Variants in NKAIN2 observed in about 807,000 individuals in gnomAD.
The protein encoded by NKAIN2 is sodium/potassium-transporting ATPase subunit beta-1-interacting protein 2.
Under a neutral mutation model 32.6 loss-of-function variants are expected in NKAIN2, and 14 were observed. The ratio of observed to expected loss-of-function variants is 0.43; its 90% CI spans 0.28 to 0.67. NKAIN2 has a LOEUF of 0.67. Among genes scored for constraint, NKAIN2 ranks in the 30% least tolerant of loss-of-function variants. The pLI, the probability that NKAIN2 is intolerant of heterozygous loss-of-function variation, is 0.17. For synonymous variants in NKAIN2, 80 were observed against 87.2 expected (o/e 0.92, Z 0.46); for missense variants, 198 against 258.3 (o/e 0.77, Z 1.60).
chr6:123,911,099 G>T (rs1775155632), intron 1 of NKAIN2, among the ~76,000 whole-genome samples: 1 of 151,770 alleles, frequency 6.6e-6, no homozygotes, highest in African/African-American at 2.4e-5. Context: ...ACATAGGTCT[G>T]GCATATAGAC....
chr6:124,469,623 C>T (rs1440052884), intron 3 of NKAIN2, among the ~76,000 whole-genome samples: 1 of 152,124 alleles, frequency 6.6e-6, no homozygotes, highest in Non-Finnish European at 1.5e-5. Flanking sequence ...TGCATTTAAA[C>T]TGGAACTGTT....
At chr6:124,295,300 T>TTTC (rs57069638) in intron 2 of NKAIN2, among the ~76,000 whole-genome samples, 73,244 of 151,584 alleles carry the variant, frequency 0.48, 21,784 homozygotes, top group African/African-American at 0.85. Context: ...TCCTTGTTCT[T>TTTC]TTCTTCTTCT....
intron 1 of NKAIN2, among the ~76,000 whole-genome samples, chr6:124,243,912 T>C (rs1183462443): frequency 1.3e-5 from 2 of 152,036 alleles, no homozygotes; most frequent in Admixed American, 1.3e-4. Flanking sequence ...TTATGAGTCT[T>C]TTGTATATCT....
At chr6:124,189,047 T>G (rs553888910) in intron 1 of NKAIN2, among the ~76,000 whole-genome samples, 111 of 152,256 alleles carry the variant, frequency 7.3e-4, no homozygotes, top group African/African-American at 2.6e-3. Context: ...CATCACTGAT[T>G]TAAATGACAG....
At chr6:124,342,323 G>A (rs1798158812) in intron 2 of NKAIN2, among the ~76,000 whole-genome samples, 1 of 151,054 alleles carries the variant, frequency 6.6e-6, no homozygotes, top group Non-Finnish European at 1.5e-5. Context: ...GCAGGAGAAT[G>A]GAGTGAACCT....
At chr6:124,811,849 A>G (rs1015915839) in intron 5 of NKAIN2, among the ~76,000 whole-genome samples, 6 of 152,128 alleles carry the variant, frequency 3.9e-5, no homozygotes, top group Admixed American at 1.3e-4. Flanking sequence ...AGTGTTTTGC[A>G]TATCAATTAT....
In NKAIN2 at chr6:124,394,505, AGATT is replaced by A. The variant is rs1269453694; in HGVS notation, c.273+39159_273+39162del. On this transcript the variant is annotated intron_variant, in intron 3 of 6. Coordinates refer to ENST00000368417, the MANE Select transcript of NKAIN2 (RefSeq NM_001040214.3). ...TAGATAGATAGATAGATAGATAGAT[AGATT>A]AGATAGATACAGACAGACAGATAGA... Among the ~76,000 whole-genome samples, 1,207 of 144,634 alleles carry A rather than the reference AGATT, an allele frequency of 8.3e-3. 16 individuals are homozygous for A. Among genetic ancestry groups the A allele is most frequent in the Non-Finnish European group, 0.012 (788 of 63,562 alleles). The allele number at this position is 144,634 out of a possible 152,430, so 94.9% of individuals were successfully genotyped here.
intron 1 of NKAIN2, among the ~76,000 whole-genome samples, chr6:124,105,789 T>C (rs900356383): frequency 6.6e-6 from 1 of 152,148 alleles, no homozygotes; most frequent in Non-Finnish European, 1.5e-5. Context: ...AGTCATCAGG[T>C]TGTAAGAGGG....
At chr6:124,558,629 G>T (rs982034711) in intron 3 of NKAIN2, among the ~76,000 whole-genome samples, 1 of 151,766 alleles carries the variant, frequency 6.6e-6, no homozygotes, top group Admixed American at 6.6e-5. Context: ...GAAGGAGAAA[G>T]AAACTTTTCT....
intron 1 of NKAIN2, among the ~76,000 whole-genome samples, chr6:123,930,419 C>A (rs2114518658): frequency 6.6e-6 from 1 of 152,206 alleles, no homozygotes. Context: ...ATATGATAAT[C>A]TTGCCTTTCT....
chr6:124,792,125 G>A (rs1779773055), intron 5 of NKAIN2, among the ~76,000 whole-genome samples: 2 of 151,962 alleles, frequency 1.3e-5, no homozygotes, highest in African/African-American at 4.8e-5. Flanking sequence ...ATTCTCTGAG[G>A]GTACTATCAT....
At chr6:124,505,871 C>T (rs1243838661) in intron 3 of NKAIN2, among the ~76,000 whole-genome samples, 1 of 152,054 alleles carries the variant, frequency 6.6e-6, no homozygotes, top group Admixed American at 6.6e-5. Context: ...CTTAGTGAGC[C>T]ACTATTAAGA....
intron 1 of NKAIN2, among the ~76,000 whole-genome samples, chr6:124,273,954 A>C (rs907765149): frequency 6.6e-6 from 1 of 152,244 alleles, no homozygotes; most frequent in African/African-American, 2.4e-5. Flanking sequence ...CTGAGAAGTT[A>C]GATTTCCACT....
At chr6:124,669,152 T>C (rs1772968268) in intron 4 of NKAIN2, among the ~76,000 whole-genome samples, 1 of 152,160 alleles carries the variant, frequency 6.6e-6, no homozygotes, top group Non-Finnish European at 1.5e-5. Flanking sequence ...GTTGCTGTCT[T>C]GGAATACAGG....
chr6:124,457,408 T>G (rs59781258), intron 3 of NKAIN2, among the ~76,000 whole-genome samples: 1,820 of 152,102 alleles, frequency 0.012, 37 homozygotes, highest in African/African-American at 0.042. Context: ...CTTCTCACTG[T>G]AAGCCTTCCC....
intron 1 of NKAIN2, among the ~76,000 whole-genome samples, chr6:123,944,429 A>G (rs1306795808): frequency 6.6e-6 from 1 of 151,974 alleles, no homozygotes. Flanking sequence ...TTAGTACCCT[A>G]TCCCCACCTC....
intron 4 of NKAIN2, among the ~76,000 whole-genome samples, chr6:124,776,266 T>A (rs1562377064): frequency 6.6e-6 from 1 of 152,214 alleles, no homozygotes; most frequent in East Asian, 1.9e-4. Flanking sequence ...TAGCACTGAC[T>A]AGCCCTTGGG....
At chr6:123,955,222 A>G (rs560597955) in intron 1 of NKAIN2, among the ~76,000 whole-genome samples, 26 of 151,880 alleles carry the variant, frequency 1.7e-4, no homozygotes, top group African/African-American at 6.3e-4. Flanking sequence ...AGAAAAAGAA[A>G]AAAGAAAGAA....
chr6:124,534,154 T>C (rs1009778018), intron 3 of NKAIN2, among the ~76,000 whole-genome samples: 1 of 152,166 alleles, frequency 6.6e-6, no homozygotes, highest in Non-Finnish European at 1.5e-5. Context: ...TTTTTTCCTT[T>C]TTTGGGGGGC....
Sources: allele counts gnomAD v4.1 joint callset (sites outside exome capture counted in the v4.1 genomes callset), GRCh38; gene constraint gnomAD v4.1.1; transcripts MANE v1.5; gene names NCBI Gene and HGNC (gene_info 2026-07-23, HGNC 2026-07-21).